Variants in SH3GL3 observed in about 807,000 individuals in gnomAD.
The protein encoded by SH3GL3 is SH3 domain containing GRB2 like 3, endophilin A3, also known as endophilin-A3.
A neutral mutation model predicts 47.7 loss-of-function variants in SH3GL3; 33 were observed. The ratio of observed to expected loss-of-function variants is 0.69; its 90% CI spans 0.52 to 0.92. The LOEUF (loss-of-function observed/expected upper bound fraction) is 0.92, where lower values mean the gene tolerates loss of function less well. SH3GL3 is among the 40% of genes least tolerant of loss of function. SH3GL3 has a pLI of 0.00. For synonymous variants in SH3GL3, 155 were observed against 148.8 expected (o/e 1.04, Z -0.30); for missense variants, 363 against 417.8 (o/e 0.87, Z 1.14).
intron 6 of SH3GL3, among the ~76,000 whole-genome samples, chr15:83,583,457 C>T (rs934312713): frequency 1.3e-5 from 2 of 152,192 alleles, no homozygotes; most frequent in African/African-American, 4.8e-5. Context: ...CCTTTGGGTA[C>T]AGCCTAAGCC....
At chr15:83,610,078 C>G (rs2060622498) in intron 8 of SH3GL3, among the ~76,000 whole-genome samples, 1 of 152,182 alleles carries the variant, frequency 6.6e-6, no homozygotes. Context: ...TAGGTGGGAC[C>G]TGGACAGACC....
intron 6 of SH3GL3, among the ~76,000 whole-genome samples, chr15:83,584,666 A>T (rs1432963949): frequency 6.6e-6 from 1 of 152,138 alleles, no homozygotes; most frequent in Non-Finnish European, 1.5e-5. Context: ...AGAGTGCTTC[A>T]CTTTCAGAAA....
At chr15:83,610,632 A>G (rs890731549) in intron 8 of SH3GL3, among the ~76,000 whole-genome samples, 19 of 152,312 alleles carry the variant, frequency 1.2e-4, no homozygotes, top group Middle Eastern at 3.4e-3. Context: ...CATAGGGATC[A>G]AGAACGTGGA....
chr15:83,496,011 A>T (rs2042062321), intron 1 of SH3GL3, among the ~76,000 whole-genome samples: 2 of 152,166 alleles, frequency 1.3e-5, no homozygotes, highest in East Asian at 3.9e-4. Context: ...AGGCAAAGAA[A>T]CACGTATATG....
chr15:83,460,205 A>T (rs13379837), intron 1 of SH3GL3, among the ~76,000 whole-genome samples: 19 of 150,656 alleles, frequency 1.3e-4, no homozygotes, highest in African/African-American at 4.2e-4. Flanking sequence ...GGCTCAAAGG[A>T]TCCTCTCACT....
At chr15:83,590,291 T>G (rs1417257240) in intron 8 of SH3GL3, among the ~76,000 whole-genome samples, 2 of 152,186 alleles carry the variant, frequency 1.3e-5, no homozygotes, top group African/African-American at 2.4e-5. Flanking sequence ...AGCTTTTATT[T>G]TGATGTAGTC....
rs200699726 is a variant in SH3GL3 at position 83,610,975 on chromosome 15, C to CAAA, written c.839-7103_839-7101dup. Among the ~76,000 whole-genome samples the CAAA allele has an allele frequency of 1.7e-4, 19 of 113,146 alleles. No homozygotes were observed. In the East Asian group the frequency reaches 2.7e-3, roughly 16 times the overall value. 74.2% of individuals were successfully genotyped at this position (113,146 alleles called of 152,430 possible). A position where few individuals can be genotyped will look rare whatever the true frequency, so the allele number is the denominator to read the frequency against. On this transcript the variant is annotated intron_variant, in intron 8 of 8. Coordinates refer to ENST00000427482, the MANE Select transcript of SH3GL3 (RefSeq NM_003027.5). ...CCTTTGCAGCAGCAGGGACTTCAGC[C>CAAA]AAAAAATATATATATATATATATAA...
At chr15:83,584,593 C>T (rs79882944) in intron 6 of SH3GL3, among the ~76,000 whole-genome samples, 2 of 152,296 alleles carry the variant, frequency 1.3e-5, no homozygotes, top group Non-Finnish European at 2.9e-5. Context: ...ACATGGAAGT[C>T]AGCTTGCATT....
intron 8 of SH3GL3, among the ~76,000 whole-genome samples, chr15:83,589,321 A>G (rs182992911): frequency 2.2e-4 from 34 of 152,316 alleles, no homozygotes; most frequent in Middle Eastern, 3.4e-3. Flanking sequence ...CTATTATCAT[A>G]TCTATTGAGG....
chr15:83,565,032 G>A lies in SH3GL3; in HGVS notation c.115-102G>A, dbSNP rs939810743. 1.4e-5 allele frequency: 8 copies of A among 561,762 alleles called. 1 individual carries two copies. The highest frequency in any genetic ancestry group is 1.0e-4 in the Admixed American group (3 of 28,614). The allele number at this position is 561,762 out of a possible 1,614,324, so 34.8% of individuals were successfully genotyped here. On this transcript the variant is annotated intron_variant, in intron 2 of 8. Transcript: ENST00000427482. The stretch of plus-strand genomic sequence containing the variant: ...CATTTGGATTAAAATCATCATAATC[G>A]TGTTAGAAGAATTAAATTAATGAAA...
At chr15:83,613,983 T>A (rs2060744950) in intron 8 of SH3GL3, among the ~76,000 whole-genome samples, 6 of 152,218 alleles carry the variant, frequency 3.9e-5, no homozygotes, top group Admixed American at 2.6e-4. Flanking sequence ...CCCTTCTCTG[T>A]TAAAAACTAG....
intron 1 of SH3GL3, among the ~76,000 whole-genome samples, chr15:83,458,275 T>C (rs1254028898): frequency 1.3e-5 from 2 of 152,230 alleles, no homozygotes; most frequent in Admixed American, 6.5e-5. Flanking sequence ...TTTCCAGTTC[T>C]AACTATTCTA....
chr15:83,627,332 GTT>G, the SH3GL3 span, among the ~76,000 whole-genome samples: 1 of 149,302 alleles, frequency 6.7e-6, no homozygotes, highest in Non-Finnish European at 1.5e-5. Context: ...GGGAGGCAGA[GTT>G]TGCAGTGAGC....
At chr15:83,484,898 C>T (rs111967350) in intron 1 of SH3GL3, among the ~76,000 whole-genome samples, 25 of 152,206 alleles carry the variant, frequency 1.6e-4, no homozygotes, top group African/African-American at 4.8e-4. Context: ...CCTTCTGTTG[C>T]GAACAACAAT....
intron 1 of SH3GL3, among the ~76,000 whole-genome samples, chr15:83,513,177 G>A (rs1225193982): frequency 1.3e-5 from 2 of 152,230 alleles, no homozygotes; most frequent in African/African-American, 4.8e-5. Context: ...GGAGCTGAGA[G>A]GCGTGGGATT....
intron 1 of SH3GL3, among the ~76,000 whole-genome samples, chr15:83,500,656 T>C (rs2042257730): frequency 6.6e-6 from 1 of 152,248 alleles, no homozygotes; most frequent in Non-Finnish European, 1.5e-5. Context: ...GAGGATAGGA[T>C]GGCACTGGGC....
intron 1 of SH3GL3, chr15:83,490,851 T>A (rs545000334): frequency 6.2e-7 from 1 of 1,614,210 alleles, no homozygotes; most frequent in African/African-American, 1.3e-5. Context: ...GAATCTTTGC[T>A]GGGATAATAT....
intron 6 of SH3GL3, among the ~76,000 whole-genome samples, chr15:83,582,427 A>G (rs530666290): frequency 1.3e-5 from 2 of 152,036 alleles, no homozygotes; most frequent in East Asian, 3.9e-4. Flanking sequence ...AATCCATTCC[A>G]TGGGATGTTA....
chr15:83,498,866 C>G (rs1309752525), intron 1 of SH3GL3, among the ~76,000 whole-genome samples: 1 of 152,170 alleles, frequency 6.6e-6, no homozygotes. Context: ...TGGCCTAGCT[C>G]TAGCCATCTG....
Sources: allele counts gnomAD v4.1 joint callset (sites outside exome capture counted in the v4.1 genomes callset), GRCh38; gene constraint gnomAD v4.1.1; transcripts MANE v1.5; gene names NCBI Gene and HGNC (gene_info 2026-07-23, HGNC 2026-07-21).